Variants in CFAP74 observed in about 807,000 individuals in gnomAD.
CFAP74 encodes the protein cilia and flagella associated protein 74.
CFAP74 carries 124 observed loss-of-function variants against 188.9 expected under a neutral mutation model. That is an observed-to-expected ratio of 0.66 (90% CI 0.57 to 0.76). The LOEUF is 0.76. CFAP74 is among the 30% of genes least tolerant of loss of function. The pLI, the probability that CFAP74 is intolerant of heterozygous loss-of-function variation, is 0.00. For missense variants in CFAP74, 2,198 were observed against 2,165.2 expected (o/e 1.02, Z -0.30); for synonymous variants, 956 against 916.7 (o/e 1.04, Z -0.77).
chr1:1,922,770 C>G, intron 37 of CFAP74, 47 bp from the exon 38 acceptor site: 11 of 1,584,212 alleles, frequency 6.9e-6, no homozygotes, highest in Non-Finnish European at 9.4e-6. Flanking sequence ...GCACCGCTCC[C>G]AGAAGCAGTG....
chr1:1,938,491 A>AAT (rs1202473793), intron 25 of CFAP74, among the ~76,000 whole-genome samples: 1 of 40,592 alleles, frequency 2.5e-5, no homozygotes, highest in Non-Finnish European at 4.6e-5. Flanking sequence ...CACACTGACA[A>AAT]ACGCACTCAC....
chr1:1,991,085 A>G, intron 1 of CFAP74, 110 bp from the exon 2 acceptor site: 1 of 704,996 alleles, frequency 1.4e-6, no homozygotes, highest in Non-Finnish European at 2.4e-6. Flanking sequence ...ACAGATTAGG[A>G]AAAAATATTT....
chr1:1,988,861 C>T, intron 3 of CFAP74, 28 bp downstream of exon 3: 2 of 808,050 alleles, frequency 2.5e-6, no homozygotes, highest in South Asian at 2.8e-5. Flanking sequence ...CCCCCACACC[C>T]ACCTCCACCC....
chr1:1,935,850 CT>C (rs949208922), intron 25 of CFAP74, among the ~76,000 whole-genome samples: 43 of 144,060 alleles, frequency 3.0e-4, no homozygotes, highest in African/African-American at 1.0e-3. Context: ...AAGTTGGGAC[CT>C]TTTTTTTTTC....
intron 1 of CFAP74, among the ~76,000 whole-genome samples, chr1:2,000,163 C>CA (rs1044990392): frequency 2.0e-5 from 3 of 151,014 alleles, no homozygotes; most frequent in Non-Finnish European, 3.0e-5. Context: ...GACTCCATCT[C>CA]AAAAAAAAGA....
chr1:1,924,106 C>A (rs1448109106), intron 34 of CFAP74, among the ~76,000 whole-genome samples, 177 bp from the exon 35 acceptor site: 2 of 110,404 alleles, frequency 1.8e-5, no homozygotes, highest in African/African-American at 3.5e-5. Flanking sequence ...GCGCCCACCC[C>A]CCCCATCTCA....
rs372745962 is a variant in CFAP74 at position 1,956,724 on chromosome 1, G to A, written c.1912C>T (p.Arg638Trp). 2.0e-5 allele frequency: 32 copies of A among 1,613,718 alleles called. No individual in the cohort carries two copies. The highest frequency in any genetic ancestry group is 1.6e-4 in the Middle Eastern group (1 of 6,084). Residue 638 changes from arginine to tryptophan, a missense_variant, in exon 17 of 39, where the codon CGG (arginine) becomes TGG (tryptophan). Transcript: ENST00000682832. ...CCAACGTTGGTCAGCGTGATGGTCC[G>A]AGACGTGGTCTCTCCTACCACGTAG... ...GSYVVGETTS[R>W]TITLTNVGGL...
At chr1:1,924,208 G>GAC (rs1557980976) in intron 34 of CFAP74, among the ~76,000 whole-genome samples, 183 bp downstream of exon 34, 6 of 13,510 alleles carry the variant, frequency 4.4e-4, no homozygotes, top group Admixed American at 9.1e-4. Context: ...CACCGCCCGT[G>GAC]CCCGCCAGCT....
At chr1:1,970,933 A>ACACACATG (rs1220284658) in intron 9 of CFAP74, 117 bp from the exon 10 acceptor site, 1 of 1,202,466 alleles carries the variant, frequency 8.3e-7, no homozygotes, top group Non-Finnish European at 1.2e-6. Flanking sequence ...ACACGTGCAC[A>ACACACATG]CACACATGCA....
intron 25 of CFAP74, among the ~76,000 whole-genome samples, chr1:1,931,833 C>T (rs566023709): frequency 6.7e-5 from 10 of 149,326 alleles, no homozygotes; most frequent in South Asian, 2.1e-4. Flanking sequence ...GAGACCGAGG[C>T]GGGTGGATTA....
At position 1,973,400 on chromosome 1, in the gene CFAP74, T is replaced by C. The variant is rs1357483871; in HGVS notation, c.675-353A>G. Among the ~76,000 whole-genome samples the C allele has an allele frequency of 2.0e-5, 3 of 151,774 alleles. No individual in the cohort carries two copies. The highest frequency in any genetic ancestry group is 4.4e-5 in the Non-Finnish European group (3 of 67,912). ...CTTGTGTCTGCAGCCAGGGCCTGGATTCCACAGGGGTTTGTGGCCTGGGCA... is the reference window on the plus strand; with the variant it reads ...CTTGTGTCTGCAGCCAGGGCCTGGACTCCACAGGGGTTTGTGGCCTGGGCA... On this transcript the variant is annotated intron_variant, in intron 7 of 38. Coordinates refer to ENST00000682832, the MANE Select transcript of CFAP74 (RefSeq NM_001304360.2). The surrounding 1 kb of genome is among the most constrained non-coding windows in gnomAD (Gnocchi z 6.2).
Position 1,923,740 on chromosome 1 carries a change from C to A in CFAP74, c.4389+35G>T. Reference sequence around the variant, plus strand: ...GCAAGGCCCTGCGTGGGGCCAGGGCCGGGCCGGGCTGAGCTTGCAGAGCCA... The same window carrying A: ...GCAAGGCCCTGCGTGGGGCCAGGGCAGGGCCGGGCTGAGCTTGCAGAGCCA... On this transcript the variant is annotated intron_variant, in intron 35 of 38. Coordinates refer to ENST00000682832, the MANE Select transcript of CFAP74 (RefSeq NM_001304360.2). The surrounding 1 kb of genome is among the most constrained non-coding windows in gnomAD (Gnocchi z 6.3). 6.2e-7 allele frequency: 1 copy of A among 1,612,640 alleles called. No homozygotes were observed. The highest frequency in any genetic ancestry group is 1.3e-5 in the African/African-American group (1 of 74,992).
chr1:1,932,679 C>T (rs1287552884), intron 25 of CFAP74, among the ~76,000 whole-genome samples: 7 of 151,238 alleles, frequency 4.6e-5, no homozygotes, highest in East Asian at 4.0e-4. Flanking sequence ...CTGCAACCTC[C>T]GCCTCCCGGG....
At chr1:1,934,541 G>A (rs1570843009) in intron 25 of CFAP74, among the ~76,000 whole-genome samples, 1 of 151,372 alleles carries the variant, frequency 6.6e-6, no homozygotes, top group East Asian at 1.9e-4. Flanking sequence ...GTGTATACGT[G>A]GGTGTTAGGT....
rs1654898694 is a variant in CFAP74 at position 1,959,333 on chromosome 1, TG to T, written c.1762-125del. On this transcript the variant is annotated intron_variant, in intron 15 of 38. Coordinates refer to ENST00000682832, the MANE Select transcript of CFAP74 (RefSeq NM_001304360.2). ...GTGCAGTGGCACCTGCTCGATTCAC[TG>T]CAACCCCCCTCCACCCACCCCCACC... The T allele has an allele frequency of 4.7e-6, 3 of 641,050 alleles. No homozygotes were observed. The Admixed American group carries it at 7.6e-5, about 16-fold the overall frequency. The allele number at this position is 641,050 out of a possible 1,614,324, so 39.7% of individuals were successfully genotyped here.
Position 1,991,856 on chromosome 1 carries a change from A to ATG in CFAP74, c.-19-882_-19-881insCA, listed in dbSNP as rs1312882772. Among the ~76,000 whole-genome samples the ATG allele has an allele frequency of 3.8e-3, 582 of 151,822 alleles. 10 individuals are homozygous for ATG. The East Asian group carries it at 0.049, about 13-fold the overall frequency. Reference sequence around the variant, plus strand: ...AGATCGAGACTATCCTGGCTAGCACAGTGAAACCCCATCTCTACTAAAAAA... The same window carrying ATG: ...AGATCGAGACTATCCTGGCTAGCACATGGTGAAACCCCATCTCTACTAAAAAA... On this transcript the variant is annotated intron_variant, in intron 1 of 38. Coordinates refer to ENST00000682832, the MANE Select transcript of CFAP74 (RefSeq NM_001304360.2).
intron 25 of CFAP74, among the ~76,000 whole-genome samples, chr1:1,931,910 G>C (rs1295979976): frequency 6.7e-6 from 1 of 148,950 alleles, no homozygotes; most frequent in Non-Finnish European, 1.5e-5. Context: ...TGAAAAAAAT[G>C]CAAAAGTTAG....
At chr1:1,926,166 C>T (rs1651873755) in intron 32 of CFAP74, 62 bp downstream of exon 32, 1 of 1,459,840 alleles carries the variant, frequency 6.9e-7, no homozygotes, top group African/African-American at 1.4e-5. Flanking sequence ...CGGCCAGTGC[C>T]TTTGTTCTGC....
chr1:1,971,731 C>G (rs1404079963), intron 9 of CFAP74, among the ~76,000 whole-genome samples: 1 of 152,276 alleles, frequency 6.6e-6, no homozygotes, highest in Admixed American at 6.5e-5. Context: ...GCTTCCCCAA[C>G]AAGACCAGGC....
Sources: gnomAD v4.1 joint callset for allele counts (sites outside exome capture counted in the v4.1 genomes callset) on GRCh38, gnomAD v4.1.1 for gene constraint, Gnocchi (gnomAD v3.1) non-coding constraint, MANE v1.5 for transcripts, NCBI Gene and HGNC (gene_info 2026-07-23, HGNC 2026-07-21) for gene names.